PPP2R3A: variants seen among roughly 807,000 people sequenced by gnomAD.
PPP2R3A encodes serine/threonine-protein phosphatase 2A regulatory subunit B'' subunit alpha.
PPP2R3A carries 80 observed loss-of-function variants against 106.9 expected under a neutral mutation model. The ratio of observed to expected loss-of-function variants is 0.75; its 90% CI spans 0.62 to 0.90. The LOEUF (loss-of-function observed/expected upper bound fraction) is 0.90. PPP2R3A is among the 40% of genes least tolerant of loss of function. PPP2R3A has a pLI of 0.00. For missense variants in PPP2R3A, 1,386 were observed against 1,350.4 expected (o/e 1.03, Z -0.41); for synonymous variants, 483 against 468.3 (o/e 1.03, Z -0.41).
chr3:135,990,131 C>T (rs771432745), intron 1 of PPP2R3A, among the ~76,000 whole-genome samples: 2 of 152,134 alleles, frequency 1.3e-5, no homozygotes, highest in Non-Finnish European at 2.9e-5. Context: ...TCCAAACTGC[C>T]TTGAAGGCGG....
At chr3:136,109,906 C>G (rs1475292866) in intron 13 of PPP2R3A, among the ~76,000 whole-genome samples, 1 of 152,028 alleles carries the variant, frequency 6.6e-6, no homozygotes, top group Non-Finnish European at 1.5e-5. Context: ...ACTTAATGAT[C>G]TCTACCTGAA....
At chr3:136,085,736 A>G (rs911662132) in intron 8 of PPP2R3A, among the ~76,000 whole-genome samples, 1 of 152,282 alleles carries the variant, frequency 6.6e-6, no homozygotes, top group East Asian at 1.9e-4. Context: ...AAATAAATGC[A>G]TTGAATTTTG....
chr3:136,103,268 T>C lies in PPP2R3A; in HGVS notation c.3114T>C (p.Thr1038=). The C allele has an allele frequency of 6.3e-7, 1 of 1,596,452 alleles. No homozygotes were observed. Among genetic ancestry groups the C allele is most frequent in the Non-Finnish European group, 8.6e-7 (1 of 1,167,858 alleles). The stretch of plus-strand genomic sequence containing the variant: ...TTTATTTTTATGTAGGCAAAATAAC[T>C]CTAAGAGATCTGAAGAGGTGCAGAA... The part of the protein sequence containing the change: ...LVKPAVDGKI[T]LRDLKRCRMA... Residue 1038 remains threonine (T), a synonymous_variant, in exon 12 of 14, where the codon ACT becomes ACC. Transcript: ENST00000264977.
chr3:136,073,722 A>T (rs987457292), intron 6 of PPP2R3A, among the ~76,000 whole-genome samples: 2 of 152,246 alleles, frequency 1.3e-5, no homozygotes, highest in Non-Finnish European at 2.9e-5. Context: ...AAAAACGATT[A>T]TCTGGAAATA....
chr3:136,059,330 A>G (rs2107884157), intron 5 of PPP2R3A, among the ~76,000 whole-genome samples: 1 of 152,344 alleles, frequency 6.6e-6, no homozygotes, highest in South Asian at 2.1e-4. Context: ...ACATGAACAA[A>G]TATTTTTCAA....
chr3:136,060,281 A>G (rs554231518), intron 5 of PPP2R3A, among the ~76,000 whole-genome samples: 14 of 152,344 alleles, frequency 9.2e-5, no homozygotes, highest in African/African-American at 2.6e-4. Context: ...GACAAATACT[A>G]CGTGATCTCA....
Position 136,002,224 on chromosome 3 carries a change from T to A in PPP2R3A, c.726T>A (p.Asp242Glu). 6.2e-7 allele frequency: 1 copy of A among 1,613,530 alleles called. No individual in the cohort carries two copies. Among genetic ancestry groups the A allele is most frequent in the South Asian group, 1.1e-5 (1 of 90,990 alleles). The change falls in exon 2 of 14, where the codon GAT becomes GAA. Residue 242 changes from aspartate (D) to glutamate (E), a missense_variant. Coordinates refer to ENST00000264977, the MANE Select transcript of PPP2R3A (RefSeq NM_002718.5). ...ACATCTTATTGAAATGCTCCGAGGATTTAAAAAAATGCACAGACATCATAA... is the reference window on the plus strand; with the variant it reads ...ACATCTTATTGAAATGCTCCGAGGAATTAAAAAAATGCACAGACATCATAA... ...CLDILLKCSEDLKKCTDIIKQ... is the reference protein window; with the variant it reads ...CLDILLKCSEELKKCTDIIKQ...
At chr3:136,057,462 T>C (rs1193859713) in intron 5 of PPP2R3A, among the ~76,000 whole-genome samples, 1 of 151,962 alleles carries the variant, frequency 6.6e-6, no homozygotes, top group Non-Finnish European at 1.5e-5. Context: ...AAATGGATCT[T>C]GTGAAGATAG....
chr3:136,103,986 T>C (rs904328235), intron 12 of PPP2R3A, among the ~76,000 whole-genome samples: 2 of 152,152 alleles, frequency 1.3e-5, no homozygotes, highest in African/African-American at 4.8e-5. Flanking sequence ...ATAAAAACAA[T>C]GTCACCCCTT....
rs545791104 is a variant in PPP2R3A at position 136,126,704 on chromosome 3, C to T, written c.3330-18339C>T. On this transcript the variant is annotated intron_variant, in intron 13 of 13. Transcript: ENST00000264977. Reference sequence around the variant, plus strand: ...TGCCTCCTCAAGTGAGTCCCTGACCCCTGTGTAGCCTAACGGGGAGACACC... The same window carrying T: ...TGCCTCCTCAAGTGAGTCCCTGACCTCTGTGTAGCCTAACGGGGAGACACC... Among the ~76,000 whole-genome samples the T allele has an allele frequency of 9.8e-5, 15 of 152,322 alleles. 1 individual carries two copies. The South Asian group carries it at 2.9e-3, about 29-fold the overall frequency.
chr3:136,118,948 T>G lies in PPP2R3A; in HGVS notation c.3329+12626T>G, dbSNP rs368561913. On this transcript the variant is annotated intron_variant, in intron 13 of 13. Transcript: ENST00000264977. ...AGCAAAAAGAACAAAGCAGGAGGCA[T>G]CATGCTACCTGACTTCAAACTATAC... Among the ~76,000 whole-genome samples, 30 of 152,294 alleles carry G rather than the reference T, an allele frequency of 2.0e-4. No homozygotes were observed. The East Asian group carries it at 4.4e-3, about 23-fold the overall frequency.
At chr3:136,108,020 C>T (rs2107977708) in intron 13 of PPP2R3A, among the ~76,000 whole-genome samples, 1 of 152,230 alleles carries the variant, frequency 6.6e-6, no homozygotes, top group East Asian at 1.9e-4. Context: ...CGAGACCAGC[C>T]TGGGCAATGT....
chr3:136,045,691 C>G (rs1352117537), intron 4 of PPP2R3A, among the ~76,000 whole-genome samples: 1 of 152,202 alleles, frequency 6.6e-6, no homozygotes, highest in African/African-American at 2.4e-5. Context: ...GCCAAGGCAG[C>G]ATCACCCTAC....
chr3:136,096,517 T>A (rs1937219113), intron 10 of PPP2R3A, among the ~76,000 whole-genome samples: 1 of 152,234 alleles, frequency 6.6e-6, no homozygotes, highest in African/African-American at 2.4e-5. Context: ...TTAATCTCTC[T>A]GTCCTGGTTT....
intron 2 of PPP2R3A, among the ~76,000 whole-genome samples, chr3:136,020,921 T>A (rs1934444529): frequency 6.6e-6 from 1 of 152,176 alleles, no homozygotes; most frequent in Non-Finnish European, 1.5e-5. Context: ...AGTTAAGAAT[T>A]ACAGTAAGGG....
intron 1 of PPP2R3A, among the ~76,000 whole-genome samples, chr3:135,975,697 C>T (rs1937400639): frequency 6.6e-6 from 1 of 152,074 alleles, no homozygotes; most frequent in Non-Finnish European, 1.5e-5. Context: ...CATCCTGGTA[C>T]TTGGGCAAAT....
intron 6 of PPP2R3A, among the ~76,000 whole-genome samples, chr3:136,078,152 A>G (rs1035656011): frequency 6.6e-6 from 1 of 152,226 alleles, no homozygotes; most frequent in African/African-American, 2.4e-5. Flanking sequence ...GTGAGCAGAG[A>G]ATTTTTTTTA....
chr3:136,002,880 G>T lies in PPP2R3A; in HGVS notation c.1382G>T (p.Cys461Phe). 2.5e-6 allele frequency: 4 copies of T among 1,613,492 alleles called. No homozygotes were observed. Among genetic ancestry groups the T allele is most frequent in the Middle Eastern group, 3.3e-4 (2 of 6,060 alleles). The change falls in exon 2 of 14, where the codon TGC becomes TTC. Residue 461 changes from cysteine (C) to phenylalanine (F), a missense_variant. By Grantham distance (205) the Cys-to-Phe change is radical. Transcript: ENST00000264977. ...FPEHATHLKK[C>F]PTPMQNEIGK... is the part of the protein sequence containing the mutation. ...GAACATGCTACTCATCTTAAAAAAT[G>T]CCCCACCCCAATGCAAAATGAAATT...
At chr3:136,070,281 TA>T (rs1936384999) in intron 5 of PPP2R3A, among the ~76,000 whole-genome samples, 196 bp from the exon 6 acceptor site, 1 of 152,214 alleles carries the variant, frequency 6.6e-6, no homozygotes. Flanking sequence ...TTTTTTGAAG[TA>T]TGCTGTGTAT....
Sources: allele counts gnomAD v4.1 joint callset (sites outside exome capture counted in the v4.1 genomes callset), GRCh38; gene constraint gnomAD v4.1.1; transcripts MANE v1.5; gene names NCBI Gene and HGNC (gene_info 2026-07-23, HGNC 2026-07-21).